Variants in CCDC3 observed in about 807,000 individuals in gnomAD.
CCDC3 encodes coiled-coil domain containing 3.
CCDC3 carries 24 observed loss-of-function variants against 21.4 expected under a neutral mutation model. The ratio of observed to expected loss-of-function variants is 1.12; its 90% CI spans 0.81 to 1.58. The LOEUF is 1.58. Ranked by LOEUF, CCDC3 falls within the 40% of genes most tolerant of loss-of-function variation. CCDC3 has a pLI of 0.00. For missense variants in CCDC3, 425 were observed against 360.9 expected (o/e 1.18, Z -1.44); for synonymous variants, 186 against 166.0 (o/e 1.12, Z -0.93).
intron 2 of CCDC3, among the ~76,000 whole-genome samples, chr10:12,934,601 G>C (rs932243612): frequency 3.9e-5 from 6 of 152,130 alleles, no homozygotes; most frequent in African/African-American, 1.4e-4. Flanking sequence ...AGTTCTATCA[G>C]TTTTTGCCTC....
chr10:12,973,367 G>T (rs1221013101), intron 2 of CCDC3, among the ~76,000 whole-genome samples: 1 of 152,098 alleles, frequency 6.6e-6, no homozygotes, highest in African/African-American at 2.4e-5. Context: ...GGGGGAGGAG[G>T]CTCTCCAGAG....
intron 5 of CCDC3, among the ~76,000 whole-genome samples, chr10:13,022,881 G>A (rs1836164561): frequency 6.6e-6 from 1 of 152,182 alleles, no homozygotes; most frequent in African/African-American, 2.4e-5. Flanking sequence ...TGATGAAAGT[G>A]ATATTGCAGA....
intron 2 of CCDC3, among the ~76,000 whole-genome samples, chr10:12,974,927 CTGGTGTTTTCTACACA>C (rs988476374): frequency 1.3e-5 from 2 of 152,188 alleles, no homozygotes; most frequent in Non-Finnish European, 2.9e-5. Context: ...CTCACAGTAC[CTGGTGTTTTCTACACA>C]TACACATTCC....
intron 5 of CCDC3, among the ~76,000 whole-genome samples, chr10:13,047,304 T>A (rs1836542552): frequency 6.6e-6 from 1 of 152,200 alleles, no homozygotes; most frequent in Admixed American, 6.5e-5. Context: ...CCCATTAAAC[T>A]GGTAGGTGAG....
At chr10:13,090,036 T>TAGATAGATAGATAGATAGATAG (rs1188514602) in intron 3 of CCDC3, among the ~76,000 whole-genome samples, 18 of 1,818 alleles carry the variant, frequency 9.9e-3, no homozygotes, top group African/African-American at 0.011. Flanking sequence ...TTCCGTTAGA[T>TAGATAGATAGATAGATAGATAG]ATATATATAT....
In CCDC3 at chr10:12,898,078, T is replaced by A. The variant is rs1306825043; in HGVS notation, c.*338A>T. 7.4e-6 allele frequency: 2 copies of A among 268,872 alleles called. No homozygotes were observed. The highest frequency in any genetic ancestry group is 1.4e-5 in the Non-Finnish European group (2 of 141,910). The allele number at this position is 268,872 out of a possible 1,614,324, so 16.7% of individuals were successfully genotyped here. The stretch of plus-strand genomic sequence containing the variant: ...GAAATAAAGGCTAAGCACGTTGATG[T>A]CTTTTACACTAGAGATTCTAAAATG... On this transcript the variant is annotated 3_prime_UTR_variant, in exon 3 of 3. Transcript: ENST00000378825.
chr10:13,048,192 G>A (rs1836553022), intron 5 of CCDC3, among the ~76,000 whole-genome samples: 1 of 151,826 alleles, frequency 6.6e-6, no homozygotes, highest in Non-Finnish European at 1.5e-5. Context: ...AGTGAATTGA[G>A]GTCCCAATTA....
At chr10:13,074,580 C>T (rs958841878) in intron 3 of CCDC3, among the ~76,000 whole-genome samples, 8 of 151,522 alleles carry the variant, frequency 5.3e-5, no homozygotes, top group Admixed American at 5.3e-4. Context: ...CCCCCTCCCC[C>T]TCTCCCACTC....
chr10:12,945,715 T>G (rs1264303352), intron 2 of CCDC3, among the ~76,000 whole-genome samples: 1 of 152,244 alleles, frequency 6.6e-6, no homozygotes, highest in Non-Finnish European at 1.5e-5. Flanking sequence ...GACTGTTTTA[T>G]CAAGATAATT....
intron 4 of CCDC3, among the ~76,000 whole-genome samples, chr10:13,062,172 C>T (rs751847458): frequency 2.2e-4 from 31 of 142,794 alleles, no homozygotes; most frequent in Non-Finnish European, 4.4e-4. Flanking sequence ...CCCCAGACCC[C>T]TTAGATAAGA....
chr10:12,930,924 T>A (rs1252288197), intron 2 of CCDC3, among the ~76,000 whole-genome samples: 1 of 152,064 alleles, frequency 6.6e-6, no homozygotes, highest in African/African-American at 2.4e-5. Context: ...GTCGCAAATT[T>A]ACTTGGCCGG....
intron 2 of CCDC3, among the ~76,000 whole-genome samples, chr10:12,961,259 A>G (rs1835175063): frequency 6.6e-6 from 1 of 152,216 alleles, no homozygotes; most frequent in African/African-American, 2.4e-5. Context: ...CAGTATGCAC[A>G]TCACAGGGTT....
At chr10:12,965,003 T>A (rs774543721) in intron 2 of CCDC3, among the ~76,000 whole-genome samples, 1 of 152,174 alleles carries the variant, frequency 6.6e-6, no homozygotes. Context: ...AGGAGCTCAG[T>A]TGTCGTCAGT....
intron 3 of CCDC3, among the ~76,000 whole-genome samples, chr10:13,075,909 T>A (rs1836959177): frequency 6.6e-6 from 1 of 151,536 alleles, no homozygotes; most frequent in African/African-American, 2.4e-5. Context: ...TAAAATAAAA[T>A]AAAAATAGCC....
chr10:13,098,237 C>T (rs1407489288), intron 3 of CCDC3, among the ~76,000 whole-genome samples: 1 of 152,134 alleles, frequency 6.6e-6, no homozygotes, highest in African/African-American at 2.4e-5. Flanking sequence ...CCATGGGCAG[C>T]TTGTGGGTGA....
chr10:13,036,479 T>TTTTG lies in CCDC3; in HGVS notation c.-2+13191_-2+13194dup, dbSNP rs559421759. Among the ~76,000 whole-genome samples, 10 of 152,186 alleles carry TTTTG rather than the reference T, an allele frequency of 6.6e-5. No individual in the cohort carries two copies. The East Asian group carries it at 1.7e-3, about 27-fold the overall frequency. On this transcript the variant is annotated intron_variant, in intron 5 of 6. Transcript: ENST00000378839. ...AAAGTGAAGGCCTTATGTGTGCTTTTTTTGTTTGTTTGTTTTTGTTTTTCA... is the reference window on the plus strand; with the variant it reads ...AAAGTGAAGGCCTTATGTGTGCTTTTTTTGTTTGTTTGTTTGTTTTTGTTTTTCA...
chr10:13,010,717 C>T (rs923475779), intron 5 of CCDC3, among the ~76,000 whole-genome samples: 4 of 152,166 alleles, frequency 2.6e-5, no homozygotes, highest in East Asian at 1.9e-4. Flanking sequence ...AAGTGTCCAT[C>T]CACAGGTACA....
chr10:12,976,830 G>A (rs1959082), intron 2 of CCDC3, among the ~76,000 whole-genome samples: 32 of 151,892 alleles, frequency 2.1e-4, no homozygotes, highest in African/African-American at 7.5e-4. Flanking sequence ...AATACCAAGA[G>A]TGAACCCTAA....
At chr10:13,024,598 A>T (rs1180065864) in intron 5 of CCDC3, among the ~76,000 whole-genome samples, 1 of 152,216 alleles carries the variant, frequency 6.6e-6, no homozygotes, top group Non-Finnish European at 1.5e-5. Context: ...AATGAAAAAC[A>T]ATTGTGTTAT....
Sources: allele counts gnomAD v4.1 joint callset (sites outside exome capture counted in the v4.1 genomes callset), GRCh38; gene constraint gnomAD v4.1.1; transcripts MANE v1.5; gene names NCBI Gene and HGNC (gene_info 2026-07-23, HGNC 2026-07-21).